Variants in LRIG1 observed in about 807,000 individuals in gnomAD.
The protein encoded by LRIG1 is leucine rich repeats and immunoglobulin like domains 1, also known as leucine-rich repeats and immunoglobulin-like domains protein 1.
Under a neutral mutation model 99.2 loss-of-function variants are expected in LRIG1, and 48 were observed. That is an observed-to-expected ratio of 0.48 (90% confidence interval 0.38 to 0.62). LRIG1 has a LOEUF of 0.62. LRIG1 is among the 20% of genes least tolerant of loss of function. The pLI, the probability that LRIG1 is intolerant of heterozygous loss-of-function variation, is 0.00. For synonymous variants in LRIG1, 772 were observed against 596.1 expected (o/e 1.29, Z -4.30); for missense variants, 1,646 against 1,434.4 (o/e 1.15, Z -2.38).
intron 9 of LRIG1, among the ~76,000 whole-genome samples, chr3:66,403,664 G>C (rs900135831): frequency 1.3e-5 from 2 of 152,194 alleles, no homozygotes; most frequent in African/African-American, 4.8e-5. Context: ...TGCAGCACTG[G>C]AAGCCCAGGC....
chr3:66,417,317 T>C (rs1281949488), intron 3 of LRIG1, 51 bp from the exon 4 acceptor site: 2 of 1,582,594 alleles, frequency 1.3e-6, no homozygotes, highest in Non-Finnish European at 1.7e-6. Flanking sequence ...GCAAAGTAAC[T>C]ACAAGAAACT....
chr3:66,406,546 A>G, intron 8 of LRIG1: 1 of 369,068 alleles, frequency 2.7e-6, no homozygotes. Flanking sequence ...TCACACTGGA[A>G]CAGATCCCTC....
intron 15 of LRIG1, 98 bp downstream of exon 15, chr3:66,382,884 G>A: frequency 9.0e-7 from 1 of 1,110,994 alleles, no homozygotes; most frequent in Non-Finnish European, 1.3e-6. Flanking sequence ...TCTGAACACA[G>A]TGCAATTCTT....
At chr3:66,446,949 G>A (rs1703750209) in intron 3 of LRIG1, among the ~76,000 whole-genome samples, 1 of 151,198 alleles carries the variant, frequency 6.6e-6, no homozygotes, top group African/African-American at 2.4e-5. Flanking sequence ...TTTTTGGGGG[G>A]CGGGGTGGGT....
At chr3:66,439,836 T>C (rs1703483669) in intron 3 of LRIG1, among the ~76,000 whole-genome samples, 4 of 152,150 alleles carry the variant, frequency 2.6e-5, no homozygotes, top group Non-Finnish European at 5.9e-5. Context: ...CCAAACACCC[T>C]CACCCGCGCA....
Position 66,379,915 on chromosome 3 carries a change from C to T in LRIG1, c.*348G>A, listed in dbSNP as rs1293335189. The T allele has an allele frequency of 5.6e-6, 1 of 177,488 alleles. No individual in the cohort carries two copies. The highest frequency in any genetic ancestry group is 1.2e-5 in the Non-Finnish European group (1 of 83,992). The allele number at this position is 177,488 out of a possible 1,614,324, so 11.0% of individuals were successfully genotyped here. Reference sequence around the variant, plus strand: ...GGCACCAGAACTATTTCCCCACCCCCTCCAAAATTAAACAGCAACCTGATA... The same window carrying T: ...GGCACCAGAACTATTTCCCCACCCCTTCCAAAATTAAACAGCAACCTGATA... On this transcript the variant is annotated 3_prime_UTR_variant, in exon 19 of 19. Transcript: ENST00000273261.
chr3:66,418,976 A>G (rs1290334707), intron 3 of LRIG1, among the ~76,000 whole-genome samples: 8 of 152,200 alleles, frequency 5.3e-5, no homozygotes, highest in Non-Finnish European at 8.8e-5. Flanking sequence ...TAATAAAGAT[A>G]GTCTCCTCAG....
intron 1 of LRIG1, among the ~76,000 whole-genome samples, chr3:66,483,277 A>C (rs903155401): frequency 1.3e-5 from 2 of 152,194 alleles, no homozygotes; most frequent in Non-Finnish European, 2.9e-5. Context: ...CTGGGTTCGC[A>C]GTGCTCTCTC....
intron 1 of LRIG1, among the ~76,000 whole-genome samples, chr3:66,496,509 A>T (rs915907511): frequency 1.3e-5 from 2 of 152,180 alleles, no homozygotes; most frequent in Non-Finnish European, 2.9e-5. Context: ...ACTTGTTGCA[A>T]AAGAAAAGGA....
At chr3:66,459,900 C>T (rs1700317253) in intron 2 of LRIG1, among the ~76,000 whole-genome samples, 1 of 152,134 alleles carries the variant, frequency 6.6e-6, no homozygotes, top group African/African-American at 2.4e-5. Context: ...CGTGTGAAGC[C>T]ATCCTGGAAC....
intron 1 of LRIG1, among the ~76,000 whole-genome samples, chr3:66,478,960 C>T (rs772527691): frequency 4.6e-5 from 7 of 152,336 alleles, no homozygotes; most frequent in South Asian, 4.1e-4. Context: ...CCACTGCAGG[C>T]CTCGGCTCCC....
At chr3:66,413,114 A>T (rs1702521760) in intron 5 of LRIG1, 100 bp from the exon 6 acceptor site, 1 of 1,381,390 alleles carries the variant, frequency 7.2e-7, no homozygotes, top group Non-Finnish European at 1.0e-6. Flanking sequence ...CCAGAGGAGA[A>T]ATCCCAGTGC....
At chr3:66,476,812 G>A (rs1013880581) in intron 1 of LRIG1, among the ~76,000 whole-genome samples, 7 of 152,266 alleles carry the variant, frequency 4.6e-5, no homozygotes, top group African/African-American at 1.7e-4. Context: ...CAACTACACT[G>A]GTATCTATAC....
chr3:66,385,076 GA>G (rs748674298), intron 13 of LRIG1, among the ~76,000 whole-genome samples: 1 of 152,170 alleles, frequency 6.6e-6, no homozygotes, highest in Non-Finnish European at 1.5e-5. Context: ...TTTAACTAGA[GA>G]GTTAGTAATC....
At chr3:66,404,088 C>A in intron 9 of LRIG1, 2 of 399,950 alleles carry the variant, frequency 5.0e-6, no homozygotes, top group Non-Finnish European at 9.6e-6. Context: ...CGACATGCTG[C>A]TGGAGTACAG....
At chr3:66,387,393 C>T (rs1294252159) in intron 12 of LRIG1, 1 of 151,988 alleles carries the variant, frequency 6.6e-6, no homozygotes, top group Non-Finnish European at 1.5e-5. Context: ...ATGGCACACC[C>T]CAACACAAAC....
intron 16 of LRIG1, among the ~76,000 whole-genome samples, chr3:66,381,894 C>T (rs1418495713): frequency 2.0e-5 from 3 of 152,112 alleles, no homozygotes; most frequent in Admixed American, 1.3e-4. Context: ...TTGGAAGTAC[C>T]TCATCCTGGT....
At chr3:66,498,131 G>A (rs1701270456) in intron 1 of LRIG1, 1 of 152,128 alleles carries the variant, frequency 6.6e-6, no homozygotes, top group Admixed American at 6.6e-5. Flanking sequence ...TGCATACTGT[G>A]TTGCTACATA....
chr3:66,450,206 T>G (rs1703857134), intron 3 of LRIG1, among the ~76,000 whole-genome samples: 1 of 152,132 alleles, frequency 6.6e-6, no homozygotes, highest in Admixed American at 6.5e-5. Context: ...CTTCCAGCAC[T>G]TCACAGAAAC....
Sources: gnomAD v4.1 joint callset for allele counts (sites outside exome capture counted in the v4.1 genomes callset) on GRCh38, gnomAD v4.1.1 for gene constraint, MANE v1.5 for transcripts, NCBI Gene and HGNC (gene_info 2026-07-23, HGNC 2026-07-21) for gene names.